Variants in VEZT observed in about 807,000 individuals in gnomAD.
VEZT encodes vezatin.
VEZT carries 39 observed loss-of-function variants against 79.9 expected under a neutral mutation model. That is an observed-to-expected ratio of 0.49 (90% CI 0.38 to 0.64). The LOEUF (loss-of-function observed/expected upper bound fraction) is 0.64. Ranked by LOEUF, VEZT falls within the 30% of genes least tolerant of loss-of-function variation. VEZT has a pLI of 0.00. For synonymous variants in VEZT, 325 were observed against 327.6 expected, an observed-to-expected ratio of 0.99 and a Z score of 0.09; for missense variants, 837 against 893.1, an observed-to-expected ratio of 0.94 and a Z score of 0.80.
At chr12:95,256,286 G>T (rs766230292) in intron 2 of VEZT, among the ~76,000 whole-genome samples, 2 of 151,824 alleles carry the variant, frequency 1.3e-5, no homozygotes, top group Non-Finnish European at 2.9e-5. Flanking sequence ...CCTGACCTCA[G>T]GTGCTCCGCC....
intron 5 of VEZT, among the ~76,000 whole-genome samples, chr12:95,267,108 A>G (rs1055437279): frequency 2.0e-5 from 3 of 152,252 alleles, no homozygotes; most frequent in Non-Finnish European, 4.4e-5. Context: ...TCAGAATATC[A>G]TGCAAATAGT....
intron 1 of VEZT, among the ~76,000 whole-genome samples, chr12:95,227,542 T>C (rs2058674221): frequency 6.6e-6 from 1 of 152,172 alleles, no homozygotes; most frequent in South Asian, 2.1e-4. Context: ...GGTTTCGCCA[T>C]GTTGGCCAGG....
intron 1 of VEZT, among the ~76,000 whole-genome samples, chr12:95,240,285 A>G (rs1197565754): frequency 2.0e-5 from 3 of 152,188 alleles, no homozygotes; most frequent in African/African-American, 7.2e-5. Flanking sequence ...TTTCCTAGTT[A>G]ATATCTATGG....
intron 9 of VEZT, chr12:95,290,922 G>A (rs530530507): frequency 4.5e-4 from 69 of 152,070 alleles, no homozygotes; most frequent in African/African-American, 1.4e-3. Flanking sequence ...GGCATTACTC[G>A]AGGATTACCA....
chr12:95,289,861 TG>T (rs2072258082), intron 9 of VEZT, among the ~76,000 whole-genome samples: 1 of 152,246 alleles, frequency 6.6e-6, no homozygotes, highest in Non-Finnish European at 1.5e-5. Context: ...GTTGACATTC[TG>T]TCACAATTGC....
At chr12:95,245,007 C>T (rs560805683) in intron 1 of VEZT, among the ~76,000 whole-genome samples, 12 of 151,982 alleles carry the variant, frequency 7.9e-5, no homozygotes, top group East Asian at 1.9e-4. Context: ...CTGAGATGGG[C>T]GGATCATTTG....
At chr12:95,238,360 A>G (rs1324688711) in intron 1 of VEZT, among the ~76,000 whole-genome samples, 3 of 152,202 alleles carry the variant, frequency 2.0e-5, no homozygotes, top group African/African-American at 7.2e-5. Context: ...CTAGTAAATA[A>G]GCAACTCAGC....
intron 7 of VEZT, 131 bp downstream of exon 7, chr12:95,275,020 G>C (rs1374965018): frequency 9.2e-7 from 1 of 1,086,696 alleles, no homozygotes; most frequent in African/African-American, 1.6e-5. Flanking sequence ...TAAATGCACG[G>C]GTGATGTTTG....
At chr12:95,249,968 T>C (rs2062269961) in intron 1 of VEZT, among the ~76,000 whole-genome samples, 1 of 151,742 alleles carries the variant, frequency 6.6e-6, no homozygotes, top group Non-Finnish European at 1.5e-5. Flanking sequence ...AAGATGAAAG[T>C]AAAATACTTA....
intron 10 of VEZT, among the ~76,000 whole-genome samples, chr12:95,294,834 G>A (rs976532831): frequency 6.6e-5 from 10 of 151,602 alleles, no homozygotes; most frequent in African/African-American, 1.7e-4. Flanking sequence ...TTTTTTTTCC[G>A]TGTATATTGC....
chr12:95,278,936 G>A (rs1268112748), intron 7 of VEZT, among the ~76,000 whole-genome samples: 1 of 152,166 alleles, frequency 6.6e-6, no homozygotes, highest in Non-Finnish European at 1.5e-5. Flanking sequence ...CAGGTGTGGT[G>A]GTGCATGCCT....
chr12:95,256,302 C>T (rs886098773), intron 2 of VEZT, among the ~76,000 whole-genome samples: 3 of 152,140 alleles, frequency 2.0e-5, no homozygotes, highest in Non-Finnish European at 4.4e-5. Context: ...CCGCCCTCCT[C>T]GGCCTCCCAA....
At chr12:95,224,053 A>G (rs10777677) in intron 1 of VEZT, 147,419 of 378,130 alleles carry the variant, frequency 0.39, 30,003 homozygotes, top group African/African-American at 0.52. Context: ...ATACCCAAGT[A>G]TATAGTTGAG....
chr12:95,278,297 A>G (rs2139115827), intron 7 of VEZT, among the ~76,000 whole-genome samples: 1 of 152,344 alleles, frequency 6.6e-6, no homozygotes, highest in Non-Finnish European at 1.5e-5. Flanking sequence ...AATGGTGATT[A>G]TAGCTAGATT....
intron 1 of VEZT, chr12:95,242,186 G>C (rs536985766): frequency 1.3e-5 from 2 of 151,968 alleles, no homozygotes; most frequent in East Asian, 3.9e-4. Flanking sequence ...CCACTACTAT[G>C]GAAGTACCAC....
intron 9 of VEZT, among the ~76,000 whole-genome samples, chr12:95,293,041 G>C (rs1333362961): frequency 1.3e-5 from 2 of 151,356 alleles, no homozygotes; most frequent in Non-Finnish European, 2.9e-5. Context: ...AGTAGAGATG[G>C]GGGTTTCACC....
intron 7 of VEZT, among the ~76,000 whole-genome samples, chr12:95,279,467 C>A (rs2068512704): frequency 1.3e-5 from 2 of 152,200 alleles, no homozygotes; most frequent in Admixed American, 1.3e-4. Context: ...TCAAAATTTT[C>A]TGTTTACCTA....
chr12:95,299,970 C>G (rs1327416265), intron 11 of VEZT, 195 bp from the exon 12 acceptor site: 1 of 379,724 alleles, frequency 2.6e-6, no homozygotes, highest in Non-Finnish European at 4.6e-6. Flanking sequence ...TATCTCATTT[C>G]ATTTCTTAGG....
intron 9 of VEZT, among the ~76,000 whole-genome samples, chr12:95,291,980 G>T (rs182756730): frequency 6.2e-4 from 94 of 152,080 alleles, no homozygotes; most frequent in African/African-American, 2.1e-3. Context: ...TGTGTTTTTT[G>T]GTAGAGATGG....
Sources: allele counts gnomAD v4.1 joint callset (sites outside exome capture counted in the v4.1 genomes callset), GRCh38; gene constraint gnomAD v4.1.1; transcripts MANE v1.5; gene names NCBI Gene and HGNC (gene_info 2026-07-23, HGNC 2026-07-21).